Variants in HMCN2 observed in about 807,000 individuals in gnomAD.
The protein encoded by HMCN2 is hemicentin-2.
HMCN2 carries 325 observed loss-of-function variants against 377.5 expected under a neutral mutation model. The ratio of observed to expected loss-of-function variants is 0.86; its 90% CI spans 0.79 to 0.94. HMCN2 has a LOEUF of 0.94. HMCN2 is among the 40% of genes least tolerant of loss of function. HMCN2 has a pLI of 0.00. For missense variants in HMCN2, 4,543 were observed against 4,725.3 expected (o/e 0.96, Z 1.13); for synonymous variants, 2,007 against 2,046.8 (o/e 0.98, Z 0.53).
At chr9:130,402,146 T>C (rs982299969) in intron 77 of HMCN2, among the ~76,000 whole-genome samples, 1 of 152,162 alleles carries the variant, frequency 6.6e-6, no homozygotes, top group Non-Finnish European at 1.5e-5. Flanking sequence ...GTCCAACAAG[T>C]GAAACAAACC....
chr9:130,423,544 C>T lies in HMCN2; in HGVS notation c.13381+818C>T, dbSNP rs543565288. Among the ~76,000 whole-genome samples the T allele has an allele frequency of 6.6e-6, 1 of 152,344 alleles. No individual in the cohort carries two copies. The highest frequency in any genetic ancestry group is 6.5e-5 in the Admixed American group (1 of 15,306). ...GCCTGGAGAAGCATCTGGCCCCAAG[C>T]CCGTGGACCAGGCTTTGTTCCATGA... On this transcript the variant is annotated intron_variant, in intron 87 of 97. Transcript: ENST00000683500. The surrounding 1 kb of genome is among the most constrained non-coding windows in gnomAD (Gnocchi z 5.5).
chr9:130,290,773 CAG>C (rs1835705710), intron 4 of HMCN2, among the ~76,000 whole-genome samples: 1 of 149,222 alleles, frequency 6.7e-6, no homozygotes, highest in Non-Finnish European at 1.5e-5. Context: ...ATTATAAAAA[CAG>C]ATGCATTTTC....
chr9:130,392,987 C>T (rs1201404637), intron 66 of HMCN2, among the ~76,000 whole-genome samples: 1 of 150,534 alleles, frequency 6.6e-6, no homozygotes, highest in Non-Finnish European at 1.5e-5. Flanking sequence ...CAGAGTGAGA[C>T]ACCATCTCAC....
chr9:130,267,411 CAAACAAACAACCCCCCCAAATA>C (rs1256819396), intron 1 of HMCN2, among the ~76,000 whole-genome samples: 1 of 133,226 alleles, frequency 7.5e-6, no homozygotes, highest in African/African-American at 2.8e-5. Flanking sequence ...AACAAACAAA[CAAACAAACAACCCCCCCAAATA>C]AAACACACAC....
At chr9:130,342,012 AAAATAAATAAATAAAT>A (rs1221408865) in intron 24 of HMCN2, among the ~76,000 whole-genome samples, 134 of 130,722 alleles carry the variant, frequency 1.0e-3, no homozygotes, top group African/African-American at 2.9e-3. Context: ...CCCATCTCTT[AAAATAAATAAATAAAT>A]AAATAAATAA....
intron 36 of HMCN2, 48 bp downstream of exon 36, chr9:130,358,534 T>TCCCTTGGGGA: frequency 7.7e-7 from 1 of 1,303,630 alleles, no homozygotes; most frequent in South Asian, 1.2e-5. Context: ...TGTTGGGTGA[T>TCCCTTGGGGA]CCCTTGGGGA....
chr9:130,307,468 C>G lies in HMCN2; in HGVS notation c.2102C>G (p.Ser701Cys). Residue 701 changes from serine (S) to cysteine (C), a missense_variant, in exon 14 of 98, where the codon TCT (serine) becomes TGT (cysteine). Ser to Cys is a moderately radical substitution (Grantham distance 112). Coordinates refer to ENST00000683500, the MANE Select transcript of HMCN2 (RefSeq NM_001291815.2). ...CCCCACACAGACCCACCGTCGGTCT[C>G]TGCTGTAAATGCCGTGGTGCTGGTG... The part of the protein sequence containing the change: ...TLYYTDPPSV[S>C]AVNAVVLVAV... 2.1e-6 allele frequency: 1 copy of G among 471,162 alleles called. No individual in the cohort carries two copies. The highest frequency in any genetic ancestry group is 4.4e-6 in the Non-Finnish European group (1 of 227,058). 29.2% of individuals were successfully genotyped at this position (471,162 alleles called of 1,614,324 possible).
chr9:130,407,426 C>A, intron 82 of HMCN2, 145 bp from the exon 83 acceptor site: 2 of 635,932 alleles, frequency 3.1e-6, no homozygotes, highest in Non-Finnish European at 4.6e-6. Context: ...CCTGTGCCTC[C>A]CAGGAACGTG....
rs1842132782 is a variant in HMCN2 at position 130,388,507 on chromosome 9, A to C, written c.9490A>C (p.Thr3164Pro). ...TGATGTGTCCGGGGTCCCTGCACCC[A>C]CGGTCACTTGGCTGAAGGACAGGAT... ...TCDVSGVPAP[T>P]VTWLKDRMPV... Residue 3164 changes from threonine to proline, a missense_variant, in exon 62 of 98, where the codon ACG (threonine) becomes CCG (proline). By Grantham distance (38) the Thr-to-Pro change is conservative. Transcript: ENST00000683500. 1 of 987,936 alleles carries C rather than the reference A, an allele frequency of 1.0e-6. No homozygotes were observed. The highest frequency in any genetic ancestry group is 1.2e-6 in the Non-Finnish European group (1 of 830,148). The allele number at this position is 987,936 out of a possible 1,614,324, so 61.2% of individuals were successfully genotyped here.
intron 1 of HMCN2, among the ~76,000 whole-genome samples, chr9:130,283,448 G>C (rs1336940078): frequency 9.3e-6 from 1 of 107,502 alleles, no homozygotes; most frequent in Non-Finnish European, 1.7e-5. Context: ...ACGATCATTT[G>C]TTCTAGTGCT....
chr9:130,404,549 T>A (rs995971796), intron 80 of HMCN2, among the ~76,000 whole-genome samples: 2 of 152,274 alleles, frequency 1.3e-5, no homozygotes, highest in African/African-American at 4.8e-5. Flanking sequence ...GGTGGCCTAG[T>A]ACAAGGTCCA....
chr9:130,348,923 TG>T, intron 27 of HMCN2, 60 bp from the exon 28 acceptor site: 2 of 1,275,708 alleles, frequency 1.6e-6, no homozygotes, highest in Non-Finnish European at 2.1e-6. Context: ...TCCTCATTAC[TG>T]ATGCTGGGGG....
intron 43 of HMCN2, among the ~76,000 whole-genome samples, chr9:130,368,043 T>G (rs1258200137): frequency 2.0e-5 from 3 of 151,396 alleles, no homozygotes; most frequent in African/African-American, 4.9e-5. Context: ...GGGGCACCTG[T>G]AGGCAGATCT....
At position 130,395,034 on chromosome 9, in the gene HMCN2, A is replaced by T; in HGVS notation, c.10700A>T (p.Asp3567Val). 7.8e-7 allele frequency: 1 copy of T among 1,283,472 alleles called. No homozygotes were observed. The allele number at this position is 1,283,472 out of a possible 1,614,324, so 79.5% of individuals were successfully genotyped here. ...AACCCGCTCCATCCCCAGGTTAGGG[A>T]TGCTGGGCTGTACACTTGTCTGGCT... ...VLRVENVQVR[D>V]AGLYTCLAES... The change falls in exon 70 of 98, where the codon GAT (aspartate) becomes GTT (valine). Residue 3567 changes from aspartate (D) to valine (V), a missense_variant. Around this residue, in one of 5 missense-constraint regions of HMCN2, gnomAD observed 1,073 missense variants for 1,319.5 expected, o/e 0.81. Coordinates refer to ENST00000683500, the MANE Select transcript of HMCN2 (RefSeq NM_001291815.2).
chr9:130,312,903 A>C (rs1286036990), intron 15 of HMCN2, among the ~76,000 whole-genome samples: 1 of 151,670 alleles, frequency 6.6e-6, no homozygotes, highest in African/African-American at 2.4e-5. Flanking sequence ...CAGGTGATCT[A>C]CCCGCCTCGG....
Position 130,351,350 on chromosome 9 carries a change from C to T in HMCN2, c.4431-73C>T, listed in dbSNP as rs1839703984. 1.7e-6 allele frequency: 2 copies of T among 1,169,606 alleles called. No individual in the cohort carries two copies. The highest frequency in any genetic ancestry group is 2.2e-6 in the Non-Finnish European group (2 of 898,032). The allele number at this position is 1,169,606 out of a possible 1,614,324, so 72.5% of individuals were successfully genotyped here. ...CCAGCCTCGCTTTTTACAAGCCACA[C>T]ACTCCCTGTGTGCAGCGTGTCCCAT... On this transcript the variant is annotated intron_variant, in intron 29 of 97. Coordinates refer to ENST00000683500, the MANE Select transcript of HMCN2 (RefSeq NM_001291815.2). The surrounding 1 kb of genome is among the most constrained non-coding windows in gnomAD (Gnocchi z 5.4).
intron 22 of HMCN2, among the ~76,000 whole-genome samples, chr9:130,330,407 G>A (rs1202183546): frequency 1.3e-5 from 2 of 152,204 alleles, no homozygotes; most frequent in African/African-American, 4.8e-5. Flanking sequence ...CCTGTAGGTG[G>A]TTGGGGTGGA....
chr9:130,309,100 T>G (rs1430913448), intron 14 of HMCN2, among the ~76,000 whole-genome samples: 1 of 152,252 alleles, frequency 6.6e-6, no homozygotes, highest in Non-Finnish European at 1.5e-5. Flanking sequence ...ATCGTCAATC[T>G]TATGTTATGC....
intron 25 of HMCN2, among the ~76,000 whole-genome samples, chr9:130,345,169 T>C (rs1479457203): frequency 6.7e-6 from 1 of 149,342 alleles, no homozygotes; most frequent in East Asian, 2.0e-4. Context: ...GTGTGTGGTG[T>C]GTGTATGGTG....
Sources: allele counts gnomAD v4.1 joint callset (sites outside exome capture counted in the v4.1 genomes callset), GRCh38; gene constraint gnomAD v4.1.1; regional missense constraint gnomAD v4.1.1; non-coding constraint Gnocchi (gnomAD v3.1); transcripts MANE v1.5; gene names NCBI Gene and HGNC (gene_info 2026-07-23, HGNC 2026-07-21).